The following ERI1 variants were observed in gnomAD, a reference collection of about 807,000 sequenced individuals.
The protein encoded by ERI1 is 3'-5' exoribonuclease 1.
ERI1 carries 39 observed loss-of-function variants against 39.7 expected under a neutral mutation model. The ratio of observed to expected loss-of-function variants is 0.98; its 90% CI spans 0.76 to 1.28. The LOEUF is 1.28. Among genes scored for constraint, ERI1 ranks in the 50% most tolerant of loss-of-function variants. ERI1 has a pLI of 0.00. For missense variants in ERI1, 581 were observed against 416.9 expected (o/e 1.39, Z -3.43); for synonymous variants, 204 against 149.6 (o/e 1.36, Z -2.65).
intron 3 of ERI1, among the ~76,000 whole-genome samples, chr8:9,060,188 C>G (rs1441553051): frequency 6.6e-6 from 1 of 152,054 alleles, no homozygotes; most frequent in South Asian, 2.1e-4. Context: ...GGTGATTTGA[C>G]TAATAAAGGC....
At chr8:9,022,543 G>C (rs902150024) in intron 6 of ERI1, among the ~76,000 whole-genome samples, 1 of 152,064 alleles carries the variant, frequency 6.6e-6, no homozygotes, top group South Asian at 2.1e-4. Flanking sequence ...GGGACTACGG[G>C]CGCCCACAAC....
chr8:9,076,339 C>A (rs934668087), intron 3 of ERI1, among the ~76,000 whole-genome samples: 11 of 152,194 alleles, frequency 7.2e-5, no homozygotes, highest in Non-Finnish European at 1.6e-4. Context: ...GTATAAATTA[C>A]AGGACTGGCA....
chr8:9,069,247 C>A (rs1334419309), intron 3 of ERI1, among the ~76,000 whole-genome samples: 3 of 152,232 alleles, frequency 2.0e-5, no homozygotes, highest in Non-Finnish European at 4.4e-5. Flanking sequence ...CTAGGAGGAT[C>A]TTTTCACTTG....
chr8:9,058,948 G>A (rs963404715), intron 3 of ERI1, among the ~76,000 whole-genome samples: 1 of 152,040 alleles, frequency 6.6e-6, no homozygotes, highest in Non-Finnish European at 1.5e-5. Context: ...CACCAAACAG[G>A]CTTTGTGTGA....
At chr8:9,051,083 G>T (rs755393051) in intron 3 of ERI1, among the ~76,000 whole-genome samples, 8 of 151,842 alleles carry the variant, frequency 5.3e-5, no homozygotes, top group Non-Finnish European at 1.0e-4. Context: ...TTTAAAGTAG[G>T]TACGATAGAT....
At chr8:9,034,277 G>A (rs1465537969), downstream of ERI1, among the ~76,000 whole-genome samples, 2 of 152,254 alleles carry the variant, frequency 1.3e-5, no homozygotes, top group African/African-American at 2.4e-5. Flanking sequence ...GATGAATACT[G>A]CTCAATCATT....
chr8:9,077,458 A>C (rs1799242912), intron 3 of ERI1, among the ~76,000 whole-genome samples: 2 of 152,216 alleles, frequency 1.3e-5, no homozygotes, highest in Admixed American at 1.3e-4. Context: ...GGAGCCGCAC[A>C]AACTGTGACT....
chr8:9,098,196 A>T (rs1223780999), intron 3 of ERI1, among the ~76,000 whole-genome samples: 1 of 151,220 alleles, frequency 6.6e-6, no homozygotes, highest in Non-Finnish European at 1.5e-5. Context: ...CCAGCCTGGC[A>T]AAAATGGTGA....
At chr8:9,044,161 T>C (rs1173507404) in intron 3 of ERI1, among the ~76,000 whole-genome samples, 1 of 152,226 alleles carries the variant, frequency 6.6e-6, no homozygotes, top group Non-Finnish European at 1.5e-5. Context: ...ACAGCTGATT[T>C]AGCGAGGGTA....
chr8:9,014,515 C>G (rs1237380613), intron 3 of ERI1, among the ~76,000 whole-genome samples: 2 of 152,108 alleles, frequency 1.3e-5, no homozygotes, highest in East Asian at 1.9e-4. Flanking sequence ...TTTAATAACC[C>G]TTACTACCTT....
chr8:9,099,637 C>T (rs991716303), intron 3 of ERI1, among the ~76,000 whole-genome samples: 1 of 151,312 alleles, frequency 6.6e-6, no homozygotes, highest in Non-Finnish European at 1.5e-5. Context: ...AAACCCCAAC[C>T]AAATAAATAA....
downstream of ERI1, among the ~76,000 whole-genome samples, chr8:9,036,704 A>G (rs551470708): frequency 3.3e-5 from 5 of 151,196 alleles, no homozygotes; most frequent in African/African-American, 7.3e-5. Context: ...TTTTTTTTCT[A>G]TTGAGTAAAA....
intron 3 of ERI1, among the ~76,000 whole-genome samples, chr8:9,038,464 T>G (rs1797919636): frequency 1.3e-5 from 2 of 152,322 alleles, no homozygotes; most frequent in South Asian, 4.1e-4. Flanking sequence ...GTATATACAT[T>G]TAAAATTATA....
intron 6 of ERI1, among the ~76,000 whole-genome samples, chr8:9,024,545 C>G (rs1013863615): frequency 6.6e-6 from 1 of 152,062 alleles, no homozygotes; most frequent in African/African-American, 2.4e-5. Flanking sequence ...CTCAGCGTCT[C>G]AAGTAGCTGA....
downstream of ERI1, among the ~76,000 whole-genome samples, chr8:9,033,856 T>C (rs138056196): frequency 9.9e-3 from 1,143 of 116,024 alleles, 14 homozygotes; most frequent in African/African-American, 0.042. Flanking sequence ...AGAATAAACA[T>C]CTTCCTGTAT....
intron 3 of ERI1, among the ~76,000 whole-genome samples, chr8:9,041,112 A>T (rs923009177): frequency 6.6e-6 from 1 of 152,216 alleles, no homozygotes; most frequent in African/African-American, 2.4e-5. Flanking sequence ...ACGCATGAAG[A>T]GTACAGTGGG....
At chr8:9,099,169 A>G (rs1241013876) in intron 3 of ERI1, among the ~76,000 whole-genome samples, 1 of 152,188 alleles carries the variant, frequency 6.6e-6, no homozygotes, top group Non-Finnish European at 1.5e-5. Context: ...GTATATACCC[A>G]TAAAACCATC....
intron 3 of ERI1, among the ~76,000 whole-genome samples, chr8:9,095,174 A>T (rs1799837629): frequency 6.6e-6 from 1 of 152,174 alleles, no homozygotes; most frequent in African/African-American, 2.4e-5. Flanking sequence ...GGGCTTCATG[A>T]GTGCTACCTC....
intron 4 of ERI1, among the ~76,000 whole-genome samples, chr8:9,017,143 G>T (rs551182967): frequency 6.6e-6 from 1 of 152,046 alleles, no homozygotes; most frequent in African/African-American, 2.4e-5. Context: ...AGGTTCAAGC[G>T]ATTCTCCTGC....
Sources: allele counts gnomAD v4.1 joint callset (sites outside exome capture counted in the v4.1 genomes callset), GRCh38; gene constraint gnomAD v4.1.1; transcripts MANE v1.5; gene names NCBI Gene and HGNC (gene_info 2026-07-23, HGNC 2026-07-21).